The following RARB variants were observed in gnomAD, a reference collection of about 807,000 sequenced individuals.
RARB encodes the protein retinoic acid receptor beta, also known as HBV-activated protein.
In RARB, 17 loss-of-function variants were observed where a neutral mutation model predicts 51.9. The observed-to-expected ratio is 0.33, with a 90% CI of 0.22 to 0.49. RARB has a LOEUF of 0.49. RARB is among the 20% of genes least tolerant of loss of function. The pLI, the probability that RARB is intolerant of heterozygous loss-of-function variation, is 0.99. For synonymous variants in RARB, 215 were observed against 195.4 expected (o/e 1.10, Z -0.84); for missense variants, 369 against 550.8 (o/e 0.67, Z 3.30).
chr3:25,060,969 A>G (rs1018026381), intron 3 of RARB, among the ~76,000 whole-genome samples: 4 of 151,920 alleles, frequency 2.6e-5, no homozygotes, highest in African/African-American at 9.7e-5. Flanking sequence ...AGAAGTGGCC[A>G]AATTTACTTT....
intron 2 of RARB, among the ~76,000 whole-genome samples, chr3:25,023,464 A>G (rs1265930481): frequency 1.3e-5 from 2 of 151,480 alleles, no homozygotes; most frequent in African/African-American, 2.4e-5. Context: ...ATAGCTCAGT[A>G]TGTGTTTATG....
At chr3:24,938,905 T>G (rs1695599667) in intron 2 of RARB, among the ~76,000 whole-genome samples, 1 of 152,216 alleles carries the variant, frequency 6.6e-6, no homozygotes, top group Non-Finnish European at 1.5e-5. Context: ...GTTTTATTCC[T>G]TTTTAAGGCG....
intron 2 of RARB, among the ~76,000 whole-genome samples, chr3:25,494,275 A>ACACACACACACG (rs1553623210): frequency 4.5e-4 from 46 of 102,340 alleles, no homozygotes; most frequent in Non-Finnish European, 6.1e-4. Context: ...ACACACACAC[A>ACACACACACACG]CACATGCCAT....
At chr3:25,507,151 G>A (rs540329266) in intron 3 of RARB, among the ~76,000 whole-genome samples, 19 of 152,350 alleles carry the variant, frequency 1.2e-4, no homozygotes, top group African/African-American at 4.3e-4. Context: ...ACACCAGTGA[G>A]TCTCCCTGGC....
At chr3:25,590,091 C>T (rs1160559215) in intron 5 of RARB, among the ~76,000 whole-genome samples, 1 of 151,970 alleles carries the variant, frequency 6.6e-6, no homozygotes, top group Non-Finnish European at 1.5e-5. Context: ...AGACATTGAG[C>T]AGTCTTCCTT....
At chr3:25,354,837 T>C (rs904049408) in intron 5 of RARB, among the ~76,000 whole-genome samples, 4 of 151,792 alleles carry the variant, frequency 2.6e-5, no homozygotes, top group Non-Finnish European at 5.9e-5. Context: ...TTTCATGAAC[T>C]GGGAAAAGGA....
At chr3:25,214,620 C>T (rs887694233) in intron 5 of RARB, among the ~76,000 whole-genome samples, 1 of 152,146 alleles carries the variant, frequency 6.6e-6, no homozygotes, top group Non-Finnish European at 1.5e-5. Flanking sequence ...ACAGGGCGTC[C>T]TGAAATGCCC....
chr3:25,493,701 C>T (rs1046246727), intron 2 of RARB, among the ~76,000 whole-genome samples: 8 of 152,160 alleles, frequency 5.3e-5, no homozygotes, highest in Non-Finnish European at 1.2e-4. Flanking sequence ...TGCAACAGCC[C>T]AGTTCACATA....
At chr3:25,338,868 T>G (rs751719293) in intron 5 of RARB, among the ~76,000 whole-genome samples, 3 of 152,130 alleles carry the variant, frequency 2.0e-5, no homozygotes, top group Non-Finnish European at 2.9e-5. Context: ...ACACCAGACC[T>G]TCCCAAAATC....
chr3:25,286,042 C>T (rs1703643219), intron 5 of RARB, among the ~76,000 whole-genome samples: 2 of 151,184 alleles, frequency 1.3e-5, no homozygotes, highest in African/African-American at 2.4e-5. Flanking sequence ...GTTATCTAGC[C>T]ACCCACCCCC....
chr3:25,532,365 C>G (rs1698964410), intron 3 of RARB, among the ~76,000 whole-genome samples: 1 of 152,246 alleles, frequency 6.6e-6, no homozygotes, highest in Non-Finnish European at 1.5e-5. Flanking sequence ...ACATTTTCTT[C>G]CTGCTTAAAT....
At chr3:25,418,405 C>T (rs1251166738) in intron 5 of RARB, among the ~76,000 whole-genome samples, 3 of 152,082 alleles carry the variant, frequency 2.0e-5, no homozygotes, top group African/African-American at 7.2e-5. Flanking sequence ...CATTGTCTTC[C>T]ATTGAAGTAG....
chr3:25,083,769 C>T (rs1202536389), intron 3 of RARB, among the ~76,000 whole-genome samples: 1 of 152,030 alleles, frequency 6.6e-6, no homozygotes, highest in Non-Finnish European at 1.5e-5. Context: ...AAGATGACTG[C>T]GTTTTGTTCT....
intron 5 of RARB, among the ~76,000 whole-genome samples, chr3:25,224,201 A>G (rs571310575): frequency 4.5e-4 from 68 of 152,334 alleles, no homozygotes; most frequent in African/African-American, 1.5e-3. Context: ...TTAATGCCCA[A>G]CAAACAAGCA....
chr3:24,868,850 C>T (rs970817496), intron 2 of RARB, among the ~76,000 whole-genome samples: 4 of 152,282 alleles, frequency 2.6e-5, no homozygotes, highest in Middle Eastern at 3.4e-3. Flanking sequence ...CACCCTGCCA[C>T]TTCCAGATGG....
At chr3:25,128,022 C>T (rs1575173116) in intron 3 of RARB, among the ~76,000 whole-genome samples, 2 of 151,968 alleles carry the variant, frequency 1.3e-5, no homozygotes, top group Admixed American at 6.6e-5. Flanking sequence ...CTGTAGGGGA[C>T]GAAAAGCAAA....
chr3:25,047,179 G>A (rs1020546854), intron 2 of RARB, among the ~76,000 whole-genome samples: 1 of 152,150 alleles, frequency 6.6e-6, no homozygotes, highest in Admixed American at 6.5e-5. Flanking sequence ...AGGAGTTATT[G>A]CTATCCATTG....
At chr3:25,135,547 G>A (rs898532844) in intron 4 of RARB, among the ~76,000 whole-genome samples, 3 of 151,982 alleles carry the variant, frequency 2.0e-5, no homozygotes, top group Non-Finnish European at 4.4e-5. Context: ...TAATGTCAAA[G>A]TGTTGTTCTC....
intron 5 of RARB, among the ~76,000 whole-genome samples, chr3:25,263,809 A>G (rs1309023179): frequency 6.6e-6 from 1 of 152,194 alleles, no homozygotes; most frequent in African/African-American, 2.4e-5. Flanking sequence ...TGCTTACAGC[A>G]TCTGCCTTTG....
Sources: gnomAD v4.1 joint callset for allele counts (sites outside exome capture counted in the v4.1 genomes callset) on GRCh38, gnomAD v4.1.1 for gene constraint, MANE v1.5 for transcripts, NCBI Gene and HGNC (gene_info 2026-07-23, HGNC 2026-07-21) for gene names.